The following GULP1 variants were observed in gnomAD, a reference collection of about 807,000 sequenced individuals.
GULP1 encodes the protein PTB domain-containing engulfment adapter protein 1.
GULP1 carries 19 observed loss-of-function variants against 40.9 expected under a neutral mutation model. That is an observed-to-expected ratio of 0.46 (90% CI 0.32 to 0.68). GULP1 has a LOEUF of 0.68. Among genes scored for constraint, GULP1 ranks in the 30% least tolerant of loss-of-function variants. The pLI is 0.03. For synonymous variants in GULP1, 119 were observed against 117.6 expected (o/e 1.01, Z -0.08); for missense variants, 312 against 362.2 (o/e 0.86, Z 1.12).
intron 1 of GULP1, among the ~76,000 whole-genome samples, chr2:188,303,814 G>A (rs889949701): frequency 6.6e-6 from 1 of 152,172 alleles, no homozygotes; most frequent in African/African-American, 2.4e-5. Context: ...TGCTTGAGAT[G>A]CTTGCTTTAT....
chr2:188,526,896 C>A (rs1423404519), intron 5 of GULP1, among the ~76,000 whole-genome samples: 2 of 152,156 alleles, frequency 1.3e-5, no homozygotes, highest in South Asian at 4.1e-4. Flanking sequence ...CTGTTCTTAT[C>A]TTTGAAATAA....
At chr2:188,303,444 A>G (rs886976126) in intron 1 of GULP1, among the ~76,000 whole-genome samples, 2 of 152,146 alleles carry the variant, frequency 1.3e-5, no homozygotes, top group African/African-American at 4.8e-5. Flanking sequence ...GTTTGCTGGG[A>G]ATGAGGGATG....
At chr2:188,553,510 T>C (rs1030548854) in intron 7 of GULP1, among the ~76,000 whole-genome samples, 1 of 152,054 alleles carries the variant, frequency 6.6e-6, no homozygotes, top group African/African-American at 2.4e-5. Flanking sequence ...CTGGTATAAA[T>C]CCCACTCAAT....
At chr2:188,498,082 G>A (rs997075488) in intron 4 of GULP1, among the ~76,000 whole-genome samples, 1 of 151,876 alleles carries the variant, frequency 6.6e-6, no homozygotes, top group African/African-American at 2.4e-5. Flanking sequence ...TGGGAAGGAT[G>A]AAGAAAGATT....
At chr2:188,352,618 T>TCTCACA (rs578003996) in intron 1 of GULP1, among the ~76,000 whole-genome samples, 17 of 134,496 alleles carry the variant, frequency 1.3e-4, no homozygotes, top group Admixed American at 1.2e-3. Context: ...TCTCTCTCTC[T>TCTCACA]CACACACACA....
At chr2:188,556,312 A>G (rs558963255) in intron 7 of GULP1, among the ~76,000 whole-genome samples, 94 of 152,108 alleles carry the variant, frequency 6.2e-4, no homozygotes, top group Non-Finnish European at 1.2e-3. Context: ...TTTTTCTTCC[A>G]CTTGATCTAG....
At chr2:188,355,640 A>G (rs891516666) in intron 1 of GULP1, among the ~76,000 whole-genome samples, 3 of 152,126 alleles carry the variant, frequency 2.0e-5, no homozygotes, top group Non-Finnish European at 4.4e-5. Context: ...TATTAAAAAA[A>G]TTGAAGAGGA....
At chr2:188,508,708 T>C (rs991977684) in intron 4 of GULP1, among the ~76,000 whole-genome samples, 5 of 151,482 alleles carry the variant, frequency 3.3e-5, no homozygotes, top group Admixed American at 6.6e-5. Flanking sequence ...TATAAAATAA[T>C]AAGAAAAAAA....
intron 1 of GULP1, among the ~76,000 whole-genome samples, chr2:188,330,141 G>A (rs1053678442): frequency 6.6e-6 from 1 of 152,062 alleles, no homozygotes; most frequent in Non-Finnish European, 1.5e-5. Context: ...TTGGATATTT[G>A]TAAATATAGT....
chr2:188,512,717 C>G (rs1405699328), intron 4 of GULP1, among the ~76,000 whole-genome samples: 1 of 152,016 alleles, frequency 6.6e-6, no homozygotes, highest in Non-Finnish European at 1.5e-5. Context: ...AAAAAATCTT[C>G]CATTTTGAAT....
chr2:188,419,262 T>G (rs1459193438), intron 2 of GULP1, among the ~76,000 whole-genome samples: 1 of 152,160 alleles, frequency 6.6e-6, no homozygotes, highest in African/African-American at 2.4e-5. Context: ...TTTAAGTTGT[T>G]TGAGAAACCT....
At chr2:188,446,566 C>T (rs2058401561) in intron 2 of GULP1, among the ~76,000 whole-genome samples, 1 of 152,104 alleles carries the variant, frequency 6.6e-6, no homozygotes, top group African/African-American at 2.4e-5. Context: ...TATTTGGATT[C>T]TGCTATTCTG....
chr2:188,488,435 T>C (rs1003882382), intron 4 of GULP1, among the ~76,000 whole-genome samples: 1 of 152,114 alleles, frequency 6.6e-6, no homozygotes, highest in South Asian at 2.1e-4. Flanking sequence ...ATATATTTTT[T>C]TAAAACTTAG....
intron 2 of GULP1, among the ~76,000 whole-genome samples, chr2:188,422,672 A>C (rs1468262178): frequency 6.6e-6 from 1 of 152,118 alleles, no homozygotes; most frequent in Non-Finnish European, 1.5e-5. Context: ...TACAATTTTT[A>C]AAATCCATGT....
intron 4 of GULP1, among the ~76,000 whole-genome samples, chr2:188,502,544 A>G (rs1252206869): frequency 6.6e-6 from 1 of 151,914 alleles, no homozygotes; most frequent in Non-Finnish European, 1.5e-5. Flanking sequence ...CTATAAACCT[A>G]TGGATTGATA....
At chr2:188,380,350 T>A (rs575829693) in intron 1 of GULP1, among the ~76,000 whole-genome samples, 1 of 152,094 alleles carries the variant, frequency 6.6e-6, no homozygotes, top group East Asian at 1.9e-4. Context: ...GTTAGAGAAA[T>A]TACGACTGGC....
intron 1 of GULP1, among the ~76,000 whole-genome samples, chr2:188,312,970 G>T (rs1409003112): frequency 6.6e-6 from 1 of 151,690 alleles, no homozygotes; most frequent in East Asian, 1.9e-4. Context: ...GGGGTTGTTT[G>T]TTTTTTTCCT....
chr2:188,398,910 G>GA (rs1323184634), intron 2 of GULP1, among the ~76,000 whole-genome samples: 1 of 152,168 alleles, frequency 6.6e-6, no homozygotes, highest in East Asian at 1.9e-4. Flanking sequence ...TACAATGCAT[G>GA]AAAAAATGGA....
At chr2:188,549,452 T>C (rs1227471615) in intron 7 of GULP1, among the ~76,000 whole-genome samples, 1 of 151,804 alleles carries the variant, frequency 6.6e-6, no homozygotes, top group East Asian at 1.9e-4. Context: ...AAATAAGATA[T>C]TACTACAGAA....
Sources: gnomAD v4.1 joint callset for allele counts (sites outside exome capture counted in the v4.1 genomes callset) on GRCh38, gnomAD v4.1.1 for gene constraint, MANE v1.5 for transcripts, NCBI Gene and HGNC (gene_info 2026-07-23, HGNC 2026-07-21) for gene names.